GRID2IP: variants seen among roughly 807,000 people sequenced by gnomAD.
The protein encoded by GRID2IP is delphilin.
Under a neutral mutation model 114.3 loss-of-function variants are expected in GRID2IP, and 78 were observed. The observed-to-expected ratio is 0.68, with a 90% confidence interval of 0.57 to 0.82. The LOEUF (loss-of-function observed/expected upper bound fraction) is 0.82. Ranked by LOEUF, GRID2IP falls within the 40% of genes least tolerant of loss-of-function variation. The pLI, the probability that GRID2IP is intolerant of heterozygous loss-of-function variation, is 0.00. For missense variants in GRID2IP, 1,727 were observed against 1,678.5 expected (o/e 1.03, Z -0.51); for synonymous variants, 809 against 724.0 (o/e 1.12, Z -1.89).
At position 6,519,776 on chromosome 7, in the gene GRID2IP, T is replaced by TA. The variant is rs1246829189; in HGVS notation, c.1268+801dup. Reference sequence around the variant, plus strand: ...CCATCTCAAAAAACAAAAACAAAAATAAAAAACCCTTCAAACAAAACAAAA... The same window carrying TA: ...CCATCTCAAAAAACAAAAACAAAAATAAAAAAACCCTTCAAACAAAACAAAA... On this transcript the variant is annotated intron_variant, in intron 7 of 21. Coordinates refer to ENST00000457091, the MANE Select transcript of GRID2IP (RefSeq NM_001145118.2). The surrounding 1 kb of genome is among the most constrained non-coding windows in gnomAD (Gnocchi z 4.1). 6.6e-6 allele frequency among the ~76,000 whole-genome samples: 1 copy of TA among 151,550 alleles called. No individual in the cohort carries two copies. Among genetic ancestry groups the TA allele is most frequent in the Non-Finnish European group, 1.5e-5 (1 of 67,884 alleles).
At chr7:6,527,009 C>G (rs1583347242) in intron 2 of GRID2IP, among the ~76,000 whole-genome samples, 1 of 152,146 alleles carries the variant, frequency 6.6e-6, no homozygotes. Context: ...GGGAATGGCC[C>G]GTTCGGACCG....
intron 4 of GRID2IP, among the ~76,000 whole-genome samples, chr7:6,525,774 A>G (rs952688664): frequency 3.3e-5 from 5 of 152,152 alleles, no homozygotes; most frequent in African/African-American, 1.2e-4. Context: ...TGGCTGTCTG[A>G]GTCTGGCCTG....
chr7:6,543,014 C>A (rs1005529430), intron 1 of GRID2IP, among the ~76,000 whole-genome samples: 2 of 152,086 alleles, frequency 1.3e-5, no homozygotes, highest in Non-Finnish European at 2.9e-5. Context: ...GGCTGTCAGG[C>A]CCCGCCTCTC....
chr7:6,505,964 T>A, intron 13 of GRID2IP, 57 bp from the exon 14 acceptor site: 1 of 1,193,958 alleles, frequency 8.4e-7, no homozygotes. Flanking sequence ...TGGACTGGCC[T>A]CCCACTTCCC....
At position 6,506,679 on chromosome 7, in the gene GRID2IP, G is replaced by GTTTTTTTT; in HGVS notation, c.2545-773_2545-772insAAAAAAAA. On this transcript the variant is annotated intron_variant, in intron 13 of 21. Transcript: ENST00000457091. This position sits in a 1 kb window ranked among gnomAD's most constrained non-coding sequence, Gnocchi z 5.2. Reference sequence around the variant, plus strand: ...TTATTTGTGCCCTTGTCTCACTGAGGTATTTTTTTTTTTTTTTTTTTAGAT... The same window carrying GTTTTTTTT: ...TTATTTGTGCCCTTGTCTCACTGAGGTTTTTTTTTATTTTTTTTTTTTTTTTTTTAGAT... Among the ~76,000 whole-genome samples the GTTTTTTTT allele has an allele frequency of 7.9e-6, 1 of 127,294 alleles. No individual in the cohort carries two copies. Among genetic ancestry groups the GTTTTTTTT allele is most frequent in the Non-Finnish European group, 1.7e-5 (1 of 59,154 alleles). The allele number at this position is 127,294 out of a possible 152,430, so 83.5% of individuals were successfully genotyped here. A position where few individuals can be genotyped will look rare whatever the true frequency, so the allele number is the denominator to read the frequency against.
chr7:6,502,979 A>G (rs1245461555), intron 17 of GRID2IP, 29 bp downstream of exon 17: 9 of 1,551,170 alleles, frequency 5.8e-6, no homozygotes, highest in African/African-American at 1.4e-5. Context: ...AGAAGCAGAT[A>G]GGGTGCCAGG....
chr7:6,498,782 T>A (rs923153336), intron 20 of GRID2IP, among the ~76,000 whole-genome samples: 1 of 151,566 alleles, frequency 6.6e-6, no homozygotes, highest in Non-Finnish European at 1.5e-5. Context: ...AGAGATGGGG[T>A]GTATGTTGCC....
At position 6,503,559 on chromosome 7, in the gene GRID2IP, C is replaced by G. The variant is rs1312359766; in HGVS notation, c.2839G>C (p.Glu947Gln). The G allele has an allele frequency of 3.3e-6, 5 of 1,528,758 alleles. No homozygotes were observed. Among genetic ancestry groups the G allele is most frequent in the Admixed American group, 3.9e-5 (2 of 50,658 alleles). 94.7% of individuals were successfully genotyped at this position (1,528,758 alleles called of 1,614,324 possible). ...LLLFAPDADE[E>Q]QRYQAFREAP... Reference sequence around the variant, plus strand: ...TCGCGGAAGGCCTGGTAGCGCTGCTCCTCGTCGGCGTCGGGCGCGAAGAGC... The same window carrying G: ...TCGCGGAAGGCCTGGTAGCGCTGCTGCTCGTCGGCGTCGGGCGCGAAGAGC... Residue 947 changes from glutamate (E) to glutamine (Q), a missense_variant, in exon 16 of 22, where the codon GAG (glutamate) becomes CAG (glutamine). Physicochemically the swap from Glu to Gln is conservative, Grantham distance 29. Coordinates refer to ENST00000457091, the MANE Select transcript of GRID2IP (RefSeq NM_001145118.2).
In GRID2IP at chr7:6,516,095, T is replaced by C; in HGVS notation, c.1269-1566A>G. ...CTGGGTGACAGAGCAAGACCCCGTC[T>C]CAAAATAATAATAATAAAAAATAAA... On this transcript the variant is annotated intron_variant, in intron 7 of 21. Transcript: ENST00000457091. This position sits in a 1 kb window ranked among gnomAD's most constrained non-coding sequence, Gnocchi z 4.3. 7.0e-6 allele frequency among the ~76,000 whole-genome samples: 1 copy of C among 143,524 alleles called. No homozygotes were observed. Among genetic ancestry groups the C allele is most frequent in the African/African-American group, 2.5e-5 (1 of 39,968 alleles). The allele number at this position is 143,524 out of a possible 152,430, so 94.2% of individuals were successfully genotyped here.
chr7:6,512,689 T>G (rs1356263594), intron 8 of GRID2IP, among the ~76,000 whole-genome samples: 1 of 152,048 alleles, frequency 6.6e-6, no homozygotes, highest in Non-Finnish European at 1.5e-5. Context: ...TTTTGTATTT[T>G]TAGTACAGAT....
chr7:6,509,432 T>A lies in GRID2IP; in HGVS notation c.1772-119A>T, dbSNP rs1195783990. 9.9e-6 allele frequency: 9 copies of A among 913,352 alleles called. No individual in the cohort carries two copies. The highest frequency in any genetic ancestry group is 1.2e-5 in the Non-Finnish European group (8 of 641,956). 56.6% of individuals were successfully genotyped at this position (913,352 alleles called of 1,614,324 possible). ...GTGTCCCAGGCCACTCTCCTTTCCC[T>A]CTCTGGGCACAGTGCAGGAAGACCT... is the stretch of plus-strand genomic sequence containing the variant. On this transcript the variant is annotated intron_variant, in intron 11 of 21. Transcript: ENST00000457091. The surrounding 1 kb of genome is among the most constrained non-coding windows in gnomAD (Gnocchi z 4.9).
chr7:6,545,011 C>G (rs1371766622), intron 1 of GRID2IP, among the ~76,000 whole-genome samples: 2 of 152,018 alleles, frequency 1.3e-5, no homozygotes, highest in Non-Finnish European at 2.9e-5. Context: ...GGTGTGAACC[C>G]GGGAGGCGGA....
chr7:6,519,498 C>T lies in GRID2IP; in HGVS notation c.1268+1080G>A, dbSNP rs1473459690. 6.6e-6 allele frequency among the ~76,000 whole-genome samples: 1 copy of T among 152,092 alleles called. No individual in the cohort carries two copies. The highest frequency in any genetic ancestry group is 1.9e-4 in the East Asian group (1 of 5,172). On this transcript the variant is annotated intron_variant, in intron 7 of 21. Transcript: ENST00000457091. This position sits in a 1 kb window ranked among gnomAD's most constrained non-coding sequence, Gnocchi z 4.1. ...CCAGGCCAGGTGCGGTGACTCATGC[C>T]TGTAATCCCAGCACTTTGGGAGGCT...
chr7:6,510,789 G>A (rs1379276275), intron 9 of GRID2IP, 83 bp from the exon 10 acceptor site: 4 of 1,468,716 alleles, frequency 2.7e-6, no homozygotes, highest in African/African-American at 2.8e-5. Context: ...GCAGACCCAG[G>A]AGGGCCAATC....
chr7:6,526,790 G>A lies in GRID2IP; in HGVS notation c.585-21C>T. On this transcript the variant is annotated intron_variant, in intron 2 of 21. Transcript: ENST00000457091. This position sits in a 1 kb window ranked among gnomAD's most constrained non-coding sequence, Gnocchi z 7.6. ...AGATCCTGCCGGCGAGGACGGCGGA[G>A]TCGGGGCGCGTTCCCGGACCCCGGA... 6.7e-7 allele frequency: 1 copy of A among 1,489,054 alleles called. No homozygotes were observed. The highest frequency in any genetic ancestry group is 8.9e-7 in the Non-Finnish European group (1 of 1,121,992). 92.2% of individuals were successfully genotyped at this position (1,489,054 alleles called of 1,614,324 possible). A position where few individuals can be genotyped will look rare whatever the true frequency, so the allele number is the denominator to read the frequency against.
At chr7:6,549,925 C>T (rs1157678861) in intron 1 of GRID2IP, among the ~76,000 whole-genome samples, 1 of 151,900 alleles carries the variant, frequency 6.6e-6, no homozygotes, top group African/African-American at 2.4e-5. Flanking sequence ...GCCACCTCAC[C>T]CCACTGGCTC....
Position 6,501,714 on chromosome 7 carries a change from C to T in GRID2IP, c.3399+67G>A, listed in dbSNP as rs139528174. On this transcript the variant is annotated intron_variant, in intron 20 of 21. Coordinates refer to ENST00000457091, the MANE Select transcript of GRID2IP (RefSeq NM_001145118.2). ...CGAGGTCTCCAGCGGCCACTGGAGC[C>T]ACAGCCAGCTCTACCCAACCACCCC... The T allele has an allele frequency of 1.7e-4, 199 of 1,172,576 alleles. 1 individual carries two copies. The Middle Eastern group carries it at 5.5e-3, about 32-fold the overall frequency. 72.6% of individuals were successfully genotyped at this position (1,172,576 alleles called of 1,614,324 possible). A position where few individuals can be genotyped will look rare whatever the true frequency, so the allele number is the denominator to read the frequency against.
At chr7:6,499,884 T>C (rs1786363875) in intron 20 of GRID2IP, among the ~76,000 whole-genome samples, 1 of 151,874 alleles carries the variant, frequency 6.6e-6, no homozygotes, top group Non-Finnish European at 1.5e-5. Flanking sequence ...CATGCACCAC[T>C]ATGCCAGACT....
At chr7:6,501,267 C>T (rs949770571) in intron 20 of GRID2IP, among the ~76,000 whole-genome samples, 41 of 152,174 alleles carry the variant, frequency 2.7e-4, no homozygotes, top group African/African-American at 9.4e-4. Context: ...AGGAGAATAG[C>T]TTGAACCTGG....
Sources: gnomAD v4.1 joint callset for allele counts (sites outside exome capture counted in the v4.1 genomes callset) on GRCh38, gnomAD v4.1.1 for gene constraint, Gnocchi (gnomAD v3.1) non-coding constraint, MANE v1.5 for transcripts, NCBI Gene and HGNC (gene_info 2026-07-23, HGNC 2026-07-21) for gene names.